The following PIGU variants were observed in gnomAD, a reference collection of about 807,000 sequenced individuals.
PIGU encodes phosphatidylinositol glycan anchor biosynthesis class U.
Under a neutral mutation model 49.9 loss-of-function variants are expected in PIGU, and 24 were observed. That is an observed-to-expected ratio of 0.48 (90% CI 0.35 to 0.68). The LOEUF (loss-of-function observed/expected upper bound fraction) is 0.68. PIGU is among the 30% of genes least tolerant of loss of function. The pLI is 0.01. For synonymous variants in PIGU, 220 were observed against 205.7 expected (o/e 1.07, Z -0.59); for missense variants, 490 against 532.6 (o/e 0.92, Z 0.79).
chr20:34,596,558 T>G (rs1984208366), intron 7 of PIGU, among the ~76,000 whole-genome samples: 1 of 152,206 alleles, frequency 6.6e-6, no homozygotes, highest in African/African-American at 2.4e-5. Context: ...TCCGTAGGTC[T>G]AAAATTAATT....
intron 7 of PIGU, among the ~76,000 whole-genome samples, chr20:34,611,866 G>C (rs1984829453): frequency 6.6e-6 from 1 of 152,164 alleles, no homozygotes. Flanking sequence ...AAAAACAGAT[G>C]CTGGCAAGGA....
At chr20:34,659,479 C>T (rs1413453125) in intron 1 of PIGU, among the ~76,000 whole-genome samples, 3 of 151,464 alleles carry the variant, frequency 2.0e-5, no homozygotes, top group Non-Finnish European at 4.4e-5. Flanking sequence ...AGGTGAGGGG[C>T]GCCTCTGCCC....
chr20:34,565,789 CACAT>C (rs771822992), intron 11 of PIGU, among the ~76,000 whole-genome samples: 22 of 152,004 alleles, frequency 1.4e-4, no homozygotes, highest in African/African-American at 2.9e-4. Context: ...CAGGTGCACA[CACAT>C]ACATGCACGC....
At chr20:34,574,665 G>GC (rs776178764) in intron 11 of PIGU, among the ~76,000 whole-genome samples, 2 of 152,050 alleles carry the variant, frequency 1.3e-5, no homozygotes, top group Non-Finnish European at 2.9e-5. Context: ...TCCTCCCCTT[G>GC]CCTTGCCCTC....
intron 10 of PIGU, chr20:34,579,174 T>A (rs1983358076): frequency 6.6e-6 from 1 of 152,214 alleles, no homozygotes; most frequent in African/African-American, 2.4e-5. Flanking sequence ...CATTCTTTTA[T>A]CGCTATACAA....
intron 1 of PIGU, among the ~76,000 whole-genome samples, chr20:34,663,614 C>A (rs942767066): frequency 2.6e-5 from 4 of 152,152 alleles, no homozygotes; most frequent in Non-Finnish European, 1.5e-5. Flanking sequence ...TTTTATAATT[C>A]ATGGTGGCCA....
chr20:34,579,423 G>A (rs972115668), intron 10 of PIGU: 1 of 152,174 alleles, frequency 6.6e-6, no homozygotes, highest in Non-Finnish European at 1.5e-5. Context: ...GGTGAATGTG[G>A]GAGCATGCAT....
intron 7 of PIGU, among the ~76,000 whole-genome samples, chr20:34,592,051 G>C (rs1262944758): frequency 6.6e-6 from 1 of 152,000 alleles, no homozygotes; most frequent in Non-Finnish European, 1.5e-5. Context: ...AGCCGGGCGT[G>C]GTGGTTGGGC....
chr20:34,623,491 C>A (rs565932983), intron 6 of PIGU, among the ~76,000 whole-genome samples: 1 of 152,294 alleles, frequency 6.6e-6, no homozygotes, highest in East Asian at 1.9e-4. Flanking sequence ...GGTACAATTA[C>A]TGTCCCCATT....
intron 10 of PIGU, among the ~76,000 whole-genome samples, chr20:34,577,297 G>A (rs1301004960): frequency 6.6e-6 from 1 of 152,166 alleles, no homozygotes; most frequent in Non-Finnish European, 1.5e-5. Context: ...GACTTAAAGG[G>A]TGGAGAAACT....
chr20:34,674,711 G>A (rs1407397653), intron 1 of PIGU, among the ~76,000 whole-genome samples: 1 of 152,024 alleles, frequency 6.6e-6, no homozygotes, highest in African/African-American at 2.4e-5. Flanking sequence ...CGGATCACTT[G>A]AGCCCAGGAG....
chr20:34,662,234 G>A (rs1267291175), intron 1 of PIGU, among the ~76,000 whole-genome samples: 1 of 151,804 alleles, frequency 6.6e-6, no homozygotes, highest in Non-Finnish European at 1.5e-5. Flanking sequence ...CACCATGCCT[G>A]GCTAATTTTT....
chr20:34,568,586 C>G (rs190339171), intron 11 of PIGU, among the ~76,000 whole-genome samples: 2 of 152,272 alleles, frequency 1.3e-5, no homozygotes, highest in East Asian at 3.9e-4. Context: ...AATGACCCAC[C>G]CAACACGTCT....
chr20:34,592,323 G>A (rs1294365936), intron 7 of PIGU, among the ~76,000 whole-genome samples: 1 of 148,836 alleles, frequency 6.7e-6, no homozygotes, highest in Non-Finnish European at 1.5e-5. Context: ...AAATAATAAA[G>A]AACAGAATTT....
chr20:34,658,517 T>C (rs1435236340), intron 1 of PIGU, among the ~76,000 whole-genome samples: 2 of 149,706 alleles, frequency 1.3e-5, no homozygotes, highest in African/African-American at 4.9e-5. Context: ...GGAGCCTCTC[T>C]GCCCAGCCGC....
chr20:34,629,975 A>G (rs1373562682), intron 6 of PIGU, among the ~76,000 whole-genome samples: 1 of 152,228 alleles, frequency 6.6e-6, no homozygotes, highest in African/African-American at 2.4e-5. Context: ...TGTGGAAGAA[A>G]TTACAGCTCA....
rs904871191 is a variant in PIGU, at chr20:34,587,404, G to C, written c.782+1049C>G. 2.0e-4 allele frequency among the ~76,000 whole-genome samples: 31 copies of C among 152,146 alleles called. 1 individual carries two copies. The highest frequency in any genetic ancestry group is 1.5e-5 in the Non-Finnish European group (1 of 68,014). ...TGTACGAATTTATGGGTGATTTTAT[G>C]TGATGTTATGATTTCTGAATACTAT... On this transcript the variant is annotated intron_variant, in intron 8 of 11. Transcript: ENST00000217446.
intron 8 of PIGU, among the ~76,000 whole-genome samples, chr20:34,587,287 T>G (rs1446456148): frequency 6.6e-6 from 1 of 152,190 alleles, no homozygotes; most frequent in East Asian, 1.9e-4. Flanking sequence ...AGGCTTCCTG[T>G]GGTCCCTCAC....
chr20:34,565,129 G>A (rs1982689721), intron 11 of PIGU, among the ~76,000 whole-genome samples: 1 of 152,228 alleles, frequency 6.6e-6, no homozygotes, highest in Non-Finnish European at 1.5e-5. Flanking sequence ...GTTGGGCAAG[G>A]GGCTGTGGAA....
Sources: allele counts gnomAD v4.1 joint callset (sites outside exome capture counted in the v4.1 genomes callset), GRCh38; gene constraint gnomAD v4.1.1; transcripts MANE v1.5; gene names NCBI Gene and HGNC (gene_info 2026-07-23, HGNC 2026-07-21).